The following RHO variants were observed in gnomAD, a reference collection of about 807,000 sequenced individuals.
The protein encoded by RHO is rhodopsin, also known as opsin 2, rod pigment.
A neutral mutation model predicts 31.2 loss-of-function variants in RHO; 21 were observed. The ratio of observed to expected loss-of-function variants is 0.67; its 90% CI spans 0.48 to 0.97. RHO has a LOEUF of 0.97. Among genes scored for constraint, RHO ranks in the 50% least tolerant of loss-of-function variants. The pLI, the probability that RHO is intolerant of heterozygous loss-of-function variation, is 0.00. For synonymous variants in RHO, 211 were observed against 196.6 expected (o/e 1.07, Z -0.61); for missense variants, 414 against 479.5 (o/e 0.86, Z 1.28).
Position 129,531,292 on chromosome 3 carries a change from G to C in RHO, c.530+248G>C, listed in dbSNP as rs148627764. ...GACATCCCAACCCTTCACCTTGGCT[G>C]TGCCCCTAATCCTCAACTAAGCTAG... On this transcript the variant is annotated intron_variant, in intron 2 of 4. Transcript: ENST00000296271. Among the ~76,000 whole-genome samples the C allele has an allele frequency of 3.5e-3, 539 of 152,334 alleles. 2 individuals are homozygous for C. The highest frequency in any genetic ancestry group is 0.012 in the African/African-American group (506 of 41,580).
At chr3:129,529,979 G>C (rs750219764) in intron 1 of RHO, among the ~76,000 whole-genome samples, 1 of 152,136 alleles carries the variant, frequency 6.6e-6, no homozygotes, top group African/African-American at 2.4e-5. Context: ...TGCAAAGCTG[G>C]GTGACGGGGA....
Position 129,532,403 on chromosome 3 carries a change from T to G in RHO, c.683T>G (p.Phe228Cys). The G allele has an allele frequency of 6.2e-7, 1 of 1,614,002 alleles. No individual in the cohort carries two copies. The highest frequency in any genetic ancestry group is 1.6e-4 in the Middle Eastern group (1 of 6,062). ...IIFFCYGQLV[F>C]TVKEAAAQQQ... ...TTTTTCTGCTATGGGCAGCTCGTCT[T>G]CACCGTCAAGGAGGTACGGGCCGGG... The change falls in exon 3 of 5, where the codon TTC becomes TGC. Residue 228 changes from phenylalanine (F) to cysteine (C), a missense_variant. Phe to Cys is a radical substitution (Grantham distance 205). Transcript: ENST00000296271. The surrounding 1 kb of genome is among the most constrained non-coding windows in gnomAD (Gnocchi z 5.5).
At chr3:129,531,079 G>A (rs1560046496) in intron 2 of RHO, 35 bp downstream of exon 2, 21 of 1,607,314 alleles carry the variant, frequency 1.3e-5, no homozygotes, top group Non-Finnish European at 1.6e-5. Flanking sequence ...GAAGCTCCGG[G>A]GGCTCTTTGT....
chr3:129,530,856 G>A lies in RHO; in HGVS notation c.362-20G>A, dbSNP rs2084774540. The A allele has an allele frequency of 3.1e-6, 5 of 1,614,200 alleles. No individual in the cohort carries two copies. Among genetic ancestry groups the A allele is most frequent in the East Asian group, 4.5e-5 (2 of 44,878 alleles). On this transcript the variant is annotated intron_variant, in intron 1 of 4. Transcript: ENST00000296271. ...TTAGGCAGTGGGGTCTGTGCTGACC[G>A]CCTGCTGACTGCCTTGCAGGTGAAA...
Position 129,533,686 on chromosome 3 carries a change from A to G in RHO, c.1015A>G (p.Lys339Glu), listed in dbSNP as rs2084801237. ...CGATGAGGCCTCTGCTACCGTGTCC[A>G]AGACGGAGACGAGCCAGGTGGCCCC... is the stretch of plus-strand genomic sequence containing the variant. ...GDDEASATVS[K>E]TETSQVAPA Residue 339 changes from lysine to glutamate, a missense_variant, in exon 5 of 5, where the codon AAG becomes GAG. Lys to Glu is a moderately conservative substitution (Grantham distance 56, BLOSUM62 1). Coordinates refer to ENST00000296271, the MANE Select transcript of RHO (RefSeq NM_000539.3). 1 of 1,613,934 alleles carries G rather than the reference A, an allele frequency of 6.2e-7. No homozygotes were observed. Among genetic ancestry groups the G allele is most frequent in the African/African-American group, 1.3e-5 (1 of 74,904 alleles).
intron 1 of RHO, 47 bp from the exon 2 acceptor site, chr3:129,530,829 C>T: frequency 6.2e-7 from 1 of 1,612,022 alleles, no homozygotes; most frequent in Non-Finnish European, 8.5e-7. Context: ...AGTGCACCCT[C>T]CTTAGGCAGT....
At chr3:129,531,587 C>T (rs529156413) in intron 2 of RHO, among the ~76,000 whole-genome samples, 1 of 152,334 alleles carries the variant, frequency 6.6e-6, no homozygotes, top group African/African-American at 2.4e-5. Context: ...ACTCTCACTT[C>T]CCTTTCCTCC....
chr3:129,533,490 G>A, intron 4 of RHO, 118 bp from the exon 5 acceptor site: 1 of 813,970 alleles, frequency 1.2e-6, no homozygotes, highest in Non-Finnish European at 2.2e-6. Context: ...GAGTGGATGG[G>A]GCGCTGGAAT....
At chr3:129,530,146 TG>T (rs1008053580) in intron 1 of RHO, among the ~76,000 whole-genome samples, 7 of 152,164 alleles carry the variant, frequency 4.6e-5, no homozygotes, top group African/African-American at 1.7e-4. Flanking sequence ...GGCCAGAAGG[TG>T]GGTGTGCCAC....
intron 1 of RHO, among the ~76,000 whole-genome samples, chr3:129,529,632 C>A (rs1228564325): frequency 6.6e-6 from 1 of 152,218 alleles, no homozygotes. Flanking sequence ...TGGGCTCGGT[C>A]CCCTCTGGCA....
Position 129,528,919 on chromosome 3 carries a change from C to T in RHO, c.186C>T (p.Thr62=), listed in dbSNP as rs367909246. 2.0e-5 allele frequency: 33 copies of T among 1,614,250 alleles called. No individual in the cohort carries two copies. Among genetic ancestry groups the T allele is most frequent in the Middle Eastern group, 1.6e-4 (1 of 6,062 alleles). Residue 62 remains threonine (T), a synonymous_variant, in exon 1 of 5, where the codon ACC becomes ACT. Coordinates refer to ENST00000296271, the MANE Select transcript of RHO (RefSeq NM_000539.3). ...FPINFLTLYV[T]VQHKKLRTPL... is the part of the protein sequence containing the mutation. The stretch of plus-strand genomic sequence containing the variant: ...TCAACTTCCTCACGCTCTACGTCAC[C>T]GTCCAGCACAAGAAGCTGCGCACGC...
In RHO at chr3:129,533,765, T is replaced by C; in HGVS notation, c.*47T>C. On this transcript the variant is annotated 3_prime_UTR_variant, in exon 5 of 5. Coordinates refer to ENST00000296271, the MANE Select transcript of RHO (RefSeq NM_000539.3). ...CCGACTATAGGCGTCTCCCATCCCCTACACCTTCCCCCAGCCACAGCCATC... is the reference window on the plus strand; with the variant it reads ...CCGACTATAGGCGTCTCCCATCCCCCACACCTTCCCCCAGCCACAGCCATC... The C allele has an allele frequency of 7.7e-7, 1 of 1,295,230 alleles. No individual in the cohort carries two copies. Among genetic ancestry groups the C allele is most frequent in the East Asian group, 2.3e-5 (1 of 43,342 alleles). The allele number at this position is 1,295,230 out of a possible 1,614,324, so 80.2% of individuals were successfully genotyped here. A position where few individuals can be genotyped will look rare whatever the true frequency, so the allele number is the denominator to read the frequency against.
chr3:129,531,191 C>T (rs940006295), intron 2 of RHO, 147 bp downstream of exon 2: 7 of 904,076 alleles, frequency 7.7e-6, no homozygotes, highest in Non-Finnish European at 1.2e-5. Flanking sequence ...GGGTGTAGGG[C>T]AGAAGAAGAA....
rs780188527 is a variant in RHO at position 129,532,408 on chromosome 3, G to A, written c.688G>A (p.Val230Ile). 31 of 1,613,858 alleles carry A rather than the reference G, an allele frequency of 1.9e-5. No homozygotes were observed. The highest frequency in any genetic ancestry group is 1.9e-4 in the African/African-American group (14 of 74,864). Reference sequence around the variant, plus strand: ...CTGCTATGGGCAGCTCGTCTTCACCGTCAAGGAGGTACGGGCCGGGGGGTG... The same window carrying A: ...CTGCTATGGGCAGCTCGTCTTCACCATCAAGGAGGTACGGGCCGGGGGGTG... ...FFCYGQLVFT[V>I]KEAAAQQQES... is the part of the protein sequence containing the mutation. The change falls in exon 3 of 5, where the codon GTC becomes ATC. Residue 230 changes from valine (V) to isoleucine (I), a missense_variant. By Grantham distance (29) the Val-to-Ile change is conservative. Transcript: ENST00000296271. This position sits in a 1 kb window ranked among gnomAD's most constrained non-coding sequence, Gnocchi z 5.5.
rs1292787618 is a variant in RHO, at chr3:129,534,501, T to A, written c.*783T>A. 1 of 152,244 alleles carries A rather than the reference T, an allele frequency of 6.6e-6. No individual in the cohort carries two copies. Among genetic ancestry groups the A allele is most frequent in the Admixed American group, 6.5e-5 (1 of 15,288 alleles). The allele number at this position is 152,244 out of a possible 1,614,324, so 9.4% of individuals were successfully genotyped here. On this transcript the variant is annotated 3_prime_UTR_variant, in exon 5 of 5. Coordinates refer to ENST00000296271, the MANE Select transcript of RHO (RefSeq NM_000539.3). The stretch of plus-strand genomic sequence containing the variant: ...TTGGGGCAGGTTTTTAAAAATTAGC[T>A]AGGCATCAAGGCCAGACCAGGGCTG...
chr3:129,533,822 G>A lies in RHO; in HGVS notation c.*104G>A, dbSNP rs534695614. The A allele has an allele frequency of 5.8e-5, 47 of 805,272 alleles. No homozygotes were observed. In the African/African-American group the frequency reaches 7.1e-4, roughly 12 times the overall value. 49.9% of individuals were successfully genotyped at this position (805,272 alleles called of 1,614,324 possible). A position where few individuals can be genotyped will look rare whatever the true frequency, so the allele number is the denominator to read the frequency against. On this transcript the variant is annotated 3_prime_UTR_variant, in exon 5 of 5. Coordinates refer to ENST00000296271, the MANE Select transcript of RHO (RefSeq NM_000539.3). ...GGAGCAGCGCCTGTGCAGAATGAAC[G>A]AAGTCACATAGGCTCCTTAATTTTT...
chr3:129,533,502 G>C, intron 4 of RHO, 106 bp from the exon 5 acceptor site: 1 of 869,482 alleles, frequency 1.2e-6, no homozygotes, highest in Non-Finnish European at 2.0e-6. Context: ...CGCTGGAATC[G>C]TGAGGGGCAG....
At chr3:129,530,805 C>T in intron 1 of RHO, 71 bp from the exon 2 acceptor site, 1 of 1,596,274 alleles carries the variant, frequency 6.3e-7, no homozygotes, top group East Asian at 2.2e-5. Context: ...CTACCCTCTC[C>T]CTGTCTAGGG....
chr3:129,530,175 C>T (rs2084768372), intron 1 of RHO, among the ~76,000 whole-genome samples: 2 of 152,182 alleles, frequency 1.3e-5, no homozygotes, highest in South Asian at 4.1e-4. Context: ...TGGTTGTTCT[C>T]TGCAGGGTCA....
Sources: allele counts gnomAD v4.1 joint callset (sites outside exome capture counted in the v4.1 genomes callset), GRCh38; gene constraint gnomAD v4.1.1; non-coding constraint Gnocchi (gnomAD v3.1); transcripts MANE v1.5; gene names NCBI Gene and HGNC (gene_info 2026-07-23, HGNC 2026-07-21).